Variants in CLIC5 observed in about 807,000 individuals in gnomAD.
The protein encoded by CLIC5 is chloride intracellular channel protein 5.
CLIC5 carries 20 observed loss-of-function variants against 24.7 expected under a neutral mutation model. The ratio of observed to expected loss-of-function variants is 0.81; its 90% CI spans 0.57 to 1.18. CLIC5 has a LOEUF of 1.18. Among genes scored for constraint, CLIC5 ranks in the 50% most tolerant of loss-of-function variants. CLIC5 has a pLI of 0.00. For missense variants in CLIC5, 341 were observed against 326.1 expected, an observed-to-expected ratio of 1.05 and a Z score of -0.35; for synonymous variants, 159 against 135.6, an observed-to-expected ratio of 1.17 and a Z score of -1.20.
intron 1 of CLIC5, among the ~76,000 whole-genome samples, chr6:46,043,173 A>C (rs1349780638): frequency 1.3e-5 from 2 of 152,230 alleles, no homozygotes; most frequent in Non-Finnish European, 2.9e-5. Flanking sequence ...TGAGACTATT[A>C]ACGGTGCTGA....
chr6:45,965,399 T>C (rs574444012), intron 1 of CLIC5, among the ~76,000 whole-genome samples: 1 of 152,300 alleles, frequency 6.6e-6, no homozygotes, highest in Admixed American at 6.5e-5. Flanking sequence ...ATATAGATGG[T>C]TGAAGCTAAG....
chr6:46,126,804 C>T, the CLIC5 span, among the ~76,000 whole-genome samples: 1 of 151,606 alleles, frequency 6.6e-6, no homozygotes, highest in African/African-American at 2.4e-5. Flanking sequence ...CTTTGGGAAG[C>T]GTGTGGCTTT....
intron 3 of CLIC5, among the ~76,000 whole-genome samples, chr6:45,945,657 C>A (rs1189695922): frequency 1.3e-5 from 2 of 152,130 alleles, no homozygotes; most frequent in African/African-American, 4.8e-5. Flanking sequence ...CATAGCACAA[C>A]CTAGTGGTAT....
Position 45,996,946 on chromosome 6 carries a change from T to C in CLIC5, c.63+18534A>G, listed in dbSNP as rs1363565155. ...TCAACCATTGTGGAAGTCAGTGTGG[T>C]GATTCCTCAGGGATCTAGAACTAGA... On this transcript the variant is annotated intron_variant, in intron 1 of 5. Coordinates refer to ENST00000339561, the MANE Select transcript of CLIC5 (RefSeq NM_016929.5). 3.3e-3 allele frequency among the ~76,000 whole-genome samples: 503 copies of C among 151,952 alleles called. 2 individuals are homozygous for C. Among genetic ancestry groups the C allele is most frequent in the African/African-American group, 0.011 (467 of 41,404 alleles).
chr6:46,066,737 T>C (rs1217816142), intron 1 of CLIC5, among the ~76,000 whole-genome samples: 1 of 151,898 alleles, frequency 6.6e-6, no homozygotes, highest in Non-Finnish European at 1.5e-5. Context: ...AGGTAAGAGG[T>C]GCTAAAATGA....
intron 4 of CLIC5, chr6:45,932,829 G>A (rs3777567): frequency 0.24 from 36,462 of 152,256 alleles, 4,902 homozygotes; most frequent in East Asian, 0.4. Context: ...AGGAAAGAGC[G>A]AGGAATGCAC....
intron 6 of CLIC5, among the ~76,000 whole-genome samples, chr6:45,892,558 G>C (rs1407177807): frequency 6.6e-6 from 1 of 152,160 alleles, no homozygotes; most frequent in Admixed American, 6.5e-5. Flanking sequence ...GTTCTTGCCT[G>C]TGTGGAGGCA....
chr6:45,947,111 G>T (rs1455288754), intron 3 of CLIC5, among the ~76,000 whole-genome samples: 1 of 152,190 alleles, frequency 6.6e-6, no homozygotes. Flanking sequence ...AGAATCTGAT[G>T]AAATGATGAC....
Position 45,901,239 on chromosome 6 carries a change from G to A in CLIC5, c.*1849C>T, listed in dbSNP as rs529277466. 1 of 152,084 alleles carries A rather than the reference G, an allele frequency of 6.6e-6. No individual in the cohort carries two copies. Among genetic ancestry groups the A allele is most frequent in the Non-Finnish European group, 1.5e-5 (1 of 68,002 alleles). 9.4% of individuals were successfully genotyped at this position (152,084 alleles called of 1,614,324 possible). On this transcript the variant is annotated 3_prime_UTR_variant, in exon 6 of 6. Transcript: ENST00000339561. ...ATCTCCAGGGCACAATTTCCAGGGG[G>A]ACCTGGAAAGGTTCCTTTTGAGGTG...
At chr6:45,912,371 T>C in intron 5 of CLIC5, 1 of 1,066,120 alleles carries the variant, frequency 9.4e-7, no homozygotes, top group Non-Finnish European at 1.1e-6. Context: ...AGGGCTTCAC[T>C]GAGTAATTTA....
intron 6 of CLIC5, among the ~76,000 whole-genome samples, chr6:45,890,881 T>C (rs1762341884): frequency 6.6e-6 from 1 of 151,606 alleles, no homozygotes; most frequent in Non-Finnish European, 1.5e-5. Flanking sequence ...AACTCAGAAG[T>C]ATAGAGTAGA....
chr6:45,915,302 T>C (rs1331484065), intron 4 of CLIC5, among the ~76,000 whole-genome samples: 1 of 152,138 alleles, frequency 6.6e-6, no homozygotes, highest in Non-Finnish European at 1.5e-5. Flanking sequence ...ACATATTACA[T>C]TTTTAGGAAG....
At chr6:45,921,298 G>T (rs966399677) in intron 4 of CLIC5, among the ~76,000 whole-genome samples, 2 of 152,138 alleles carry the variant, frequency 1.3e-5, no homozygotes, top group Non-Finnish European at 2.9e-5. Context: ...CTGATGGGAC[G>T]CTCTCTGCTG....
chr6:45,890,560 G>C (rs747614700), intron 6 of CLIC5, among the ~76,000 whole-genome samples: 1 of 152,158 alleles, frequency 6.6e-6, no homozygotes, highest in Admixed American at 6.5e-5. Context: ...TCCCACTACT[G>C]TGTATATACC....
intron 1 of CLIC5, among the ~76,000 whole-genome samples, chr6:46,035,416 T>C (rs1767631600): frequency 6.6e-6 from 1 of 152,214 alleles, no homozygotes; most frequent in Non-Finnish European, 1.5e-5. Flanking sequence ...GTTTAATGAC[T>C]CCCTGGCTAT....
rs34501921 is a variant in CLIC5, at chr6:46,006,681, CTTTTTTTTTT to C, written c.63+8789_63+8798del. Among the ~76,000 whole-genome samples the C allele has an allele frequency of 4.0e-3, 559 of 138,956 alleles. 2 individuals are homozygous for C. The highest frequency in any genetic ancestry group is 0.014 in the African/African-American group (509 of 36,946). 91.2% of individuals were successfully genotyped at this position (138,956 alleles called of 152,430 possible). On this transcript the variant is annotated intron_variant, in intron 1 of 5. Transcript: ENST00000339561. ...TCTCAAATGATATTTCTTTTTTTTC[CTTTTTTTTTT>C]TTTTTGAGACAGTCTTGCTCTGTCA...
At position 45,902,026 on chromosome 6, in the gene CLIC5, G is replaced by A. The variant is rs1241135916; in HGVS notation, c.*1062C>T. The A allele has an allele frequency of 6.6e-6, 1 of 152,660 alleles. No individual in the cohort carries two copies. Among genetic ancestry groups the A allele is most frequent in the African/African-American group, 2.4e-5 (1 of 41,432 alleles). The allele number at this position is 152,660 out of a possible 1,614,324, so 9.5% of individuals were successfully genotyped here. A position where few individuals can be genotyped will look rare whatever the true frequency, so the allele number is the denominator to read the frequency against. On this transcript the variant is annotated 3_prime_UTR_variant, in exon 6 of 6. Coordinates refer to ENST00000339561, the MANE Select transcript of CLIC5 (RefSeq NM_016929.5). ...TCCAGAAGCAGCTTGGAGAAACTGGGAAGACATTTTTGACCCATTCTTGGG... is the reference window on the plus strand; with the variant it reads ...TCCAGAAGCAGCTTGGAGAAACTGGAAAGACATTTTTGACCCATTCTTGGG...
the CLIC5 span, among the ~76,000 whole-genome samples, chr6:46,124,171 G>A: frequency 6.6e-6 from 1 of 152,198 alleles, no homozygotes; most frequent in Admixed American, 6.5e-5. Flanking sequence ...CACACTACCT[G>A]ACTTCAAACT....
At chr6:45,892,993 A>G (rs1436892680) in intron 6 of CLIC5, among the ~76,000 whole-genome samples, 1 of 152,166 alleles carries the variant, frequency 6.6e-6, no homozygotes, top group South Asian at 2.1e-4. Flanking sequence ...TGCTCCTTTC[A>G]TTATCTTCCT....
Sources: gnomAD v4.1 joint callset for allele counts (sites outside exome capture counted in the v4.1 genomes callset) on GRCh38, gnomAD v4.1.1 for gene constraint, MANE v1.5 for transcripts, NCBI Gene and HGNC (gene_info 2026-07-23, HGNC 2026-07-21) for gene names.